The following EFNA5 variants were observed in gnomAD, a reference collection of about 807,000 sequenced individuals.
EFNA5 encodes ephrin-A5.
Under a neutral mutation model 22.9 loss-of-function variants are expected in EFNA5, and 5 were observed. The observed-to-expected ratio is 0.22, with a 90% CI of 0.11 to 0.46. The LOEUF (loss-of-function observed/expected upper bound fraction) is 0.46. Among genes scored for constraint, EFNA5 ranks in the 20% least tolerant of loss-of-function variants. EFNA5 has a pLI of 0.99. For missense variants in EFNA5, 237 were observed against 293.3 expected (o/e 0.81, Z 1.40); for synonymous variants, 113 against 112.2 (o/e 1.01, Z -0.04).
chr5:107,594,165 C>T (rs1036086258), intron 1 of EFNA5, among the ~76,000 whole-genome samples: 9 of 152,116 alleles, frequency 5.9e-5, no homozygotes, highest in African/African-American at 1.9e-4. Flanking sequence ...GCTAAAAATG[C>T]CACATTCATG....
chr5:107,460,653 T>C (rs1749814733), intron 1 of EFNA5, among the ~76,000 whole-genome samples: 1 of 152,030 alleles, frequency 6.6e-6, no homozygotes, highest in African/African-American at 2.4e-5. Context: ...ACCCTGAAAG[T>C]AGCTTTCACT....
intron 1 of EFNA5, among the ~76,000 whole-genome samples, chr5:107,587,693 A>T (rs548909040): frequency 2.8e-4 from 43 of 152,130 alleles, no homozygotes; most frequent in Admixed American, 2.5e-3. Context: ...ATTTTTTTGT[A>T]TTTTTAGTAG....
chr5:107,638,043 C>T (rs1253758279), intron 1 of EFNA5, among the ~76,000 whole-genome samples: 3 of 150,406 alleles, frequency 2.0e-5, no homozygotes, highest in African/African-American at 4.9e-5. Context: ...TTAGTAGAGA[C>T]GGGGTTTCAC....
At chr5:107,485,775 A>G (rs1746600371) in intron 1 of EFNA5, among the ~76,000 whole-genome samples, 1 of 152,226 alleles carries the variant, frequency 6.6e-6, no homozygotes, top group Non-Finnish European at 1.5e-5. Flanking sequence ...CGGTCTAGGT[A>G]AACAAACACT....
chr5:107,416,585 A>T (rs1418038322), intron 2 of EFNA5, among the ~76,000 whole-genome samples: 8 of 152,316 alleles, frequency 5.3e-5, no homozygotes, highest in Non-Finnish European at 1.0e-4. Flanking sequence ...TATATGCTAA[A>T]TCACTCTAAT....
At chr5:107,495,122 T>C (rs1057347225) in intron 1 of EFNA5, among the ~76,000 whole-genome samples, 1 of 152,206 alleles carries the variant, frequency 6.6e-6, no homozygotes, top group Admixed American at 6.5e-5. Flanking sequence ...TCAGGTCCCC[T>C]TCCACGCTGT....
chr5:107,566,878 A>G (rs1748676644), intron 1 of EFNA5, among the ~76,000 whole-genome samples: 1 of 152,254 alleles, frequency 6.6e-6, no homozygotes, highest in South Asian at 2.1e-4. Flanking sequence ...CCTTAAATGC[A>G]ATCCTTTGTG....
chr5:107,521,471 TATA>T (rs1244886631), intron 1 of EFNA5, among the ~76,000 whole-genome samples: 216 of 131,036 alleles, frequency 1.6e-3, no homozygotes, highest in African/African-American at 4.9e-3. Context: ...TATATATATA[TATA>T]TATTTTTTTT....
intron 1 of EFNA5, among the ~76,000 whole-genome samples, chr5:107,573,010 C>G (rs1157469692): frequency 6.6e-6 from 1 of 152,188 alleles, no homozygotes; most frequent in African/African-American, 2.4e-5. Flanking sequence ...AGACGTTCAG[C>G]TAGGCGCCAT....
intron 1 of EFNA5, among the ~76,000 whole-genome samples, chr5:107,666,056 A>G (rs1193044136): frequency 6.6e-6 from 1 of 152,184 alleles, no homozygotes; most frequent in Non-Finnish European, 1.5e-5. Context: ...CATACAAAAT[A>G]TTACTTAAAA....
chr5:107,639,949 T>C (rs1225069800), intron 1 of EFNA5, among the ~76,000 whole-genome samples: 1 of 152,232 alleles, frequency 6.6e-6, no homozygotes, highest in Non-Finnish European at 1.5e-5. Context: ...CCAAAAAAAT[T>C]GTTTAAGTTA....
chr5:107,626,136 T>C (rs1442152118), intron 1 of EFNA5, among the ~76,000 whole-genome samples: 1 of 152,214 alleles, frequency 6.6e-6, no homozygotes, highest in Non-Finnish European at 1.5e-5. Context: ...TGGAGTGAAA[T>C]AGAAGTCCTA....
intron 1 of EFNA5, among the ~76,000 whole-genome samples, chr5:107,542,653 G>A (rs1324935588): frequency 6.6e-6 from 1 of 152,064 alleles, no homozygotes; most frequent in Non-Finnish European, 1.5e-5. Flanking sequence ...GGAGAAAAAC[G>A]CCACTCACCT....
chr5:107,575,963 TAATTTC>T (rs1049799269), intron 1 of EFNA5, among the ~76,000 whole-genome samples: 2 of 152,218 alleles, frequency 1.3e-5, no homozygotes, highest in Admixed American at 1.3e-4. Context: ...AGGATTTATT[TAATTTC>T]TTTTCTGCAA....
intron 2 of EFNA5, among the ~76,000 whole-genome samples, chr5:107,414,639 G>GGCTTTATAAAAACCC (rs1748457830): frequency 6.6e-6 from 1 of 152,078 alleles, no homozygotes; most frequent in South Asian, 2.1e-4. Flanking sequence ...CTCAAGTAGA[G>GGCTTTATAAAAACCC]TTTAATAAAG....
intron 1 of EFNA5, among the ~76,000 whole-genome samples, chr5:107,639,975 T>C (rs1316148522): frequency 2.0e-5 from 3 of 152,216 alleles, no homozygotes; most frequent in African/African-American, 4.8e-5. Flanking sequence ...GTGTCACTTA[T>C]GAAAAACTGA....
chr5:107,660,278 ATATATATAT>A (rs2112559930), intron 1 of EFNA5, among the ~76,000 whole-genome samples: 1 of 42,940 alleles, frequency 2.3e-5, no homozygotes, highest in African/African-American at 9.3e-5. Context: ...ATATATATAT[ATATATATAT>A]ATATATATAT....
intron 4 of EFNA5, among the ~76,000 whole-genome samples, chr5:107,386,747 C>T (rs1297919543): frequency 6.6e-6 from 1 of 152,012 alleles, no homozygotes; most frequent in Non-Finnish European, 1.5e-5. Flanking sequence ...TAGGTCAGTT[C>T]AATGATGCAT....
chr5:107,511,139 G>C (rs992966367), intron 1 of EFNA5, among the ~76,000 whole-genome samples: 1 of 151,524 alleles, frequency 6.6e-6, no homozygotes, highest in African/African-American at 2.4e-5. Flanking sequence ...TGATTCTCCT[G>C]TCTCAGCCTC....
Sources: gnomAD v4.1 joint callset for allele counts (sites outside exome capture counted in the v4.1 genomes callset) on GRCh38, gnomAD v4.1.1 for gene constraint, MANE v1.5 for transcripts, NCBI Gene and HGNC (gene_info 2026-07-23, HGNC 2026-07-21) for gene names.